Variants in SON observed in about 807,000 individuals in gnomAD.
SON encodes SON DNA and RNA binding protein.
In SON, 4 loss-of-function variants were observed where a neutral mutation model predicts 173.3. The ratio of observed to expected loss-of-function variants is 0.02; its 90% CI spans 0.01 to 0.05. SON has a LOEUF of 0.05. Among genes scored for constraint, SON ranks in the 10% least tolerant of loss-of-function variants. The pLI, the probability that SON is intolerant of heterozygous loss-of-function variation, is 1.00. For synonymous variants in SON, 1,190 were observed against 1,105.9 expected (o/e 1.08, Z -1.51); for missense variants, 2,626 against 3,055.3 (o/e 0.86, Z 3.31).
chr21:33,550,653 G>C lies in SON; in HGVS notation c.1422G>C (p.Val474=), dbSNP rs150736115. ...CACAGGAGGTACCAGAGCCACCTGT[G>C]ATGGCACAGGAGTTGCCAGGGCTGC... ...EPPQEVPEPP[V]MAQELPGLPL... is the part of the protein sequence containing the mutation. Residue 474 remains valine (V), a synonymous_variant, in exon 3 of 12, where the codon GTG becomes GTC. Coordinates refer to ENST00000356577, the MANE Select transcript of SON (RefSeq NM_138927.4). The C allele has an allele frequency of 2.5e-5, 40 of 1,613,650 alleles. 1 individual carries two copies. The highest frequency in any genetic ancestry group is 3.3e-5 in the Non-Finnish European group (39 of 1,179,904).
At chr21:33,575,423 TGCTG>T in intron 9 of SON, 169 bp from the exon 10 acceptor site, 2 of 484,176 alleles carry the variant, frequency 4.1e-6, no homozygotes, top group Non-Finnish European at 7.3e-6. Flanking sequence ...TAAATTTATA[TGCTG>T]AAAAACAGTA....
chr21:33,572,150 ATAAGT>A (rs979578098), intron 8 of SON: 58 of 148,926 alleles, frequency 3.9e-4, no homozygotes, highest in African/African-American at 1.4e-3. Flanking sequence ...CTCTCTGTTG[ATAAGT>A]TAATGACTTT....
At chr21:33,546,443 T>C (rs765558655) in intron 2 of SON, 64 bp downstream of exon 2, 40 of 1,331,438 alleles carry the variant, frequency 3.0e-5, no homozygotes, top group Non-Finnish European at 4.0e-5. Context: ...AATTTGAAGG[T>C]TAATGTTAGT....
At chr21:33,564,663 C>G (rs2086131790) in intron 6 of SON, among the ~76,000 whole-genome samples, 1 of 152,056 alleles carries the variant, frequency 6.6e-6, no homozygotes, top group Non-Finnish European at 1.5e-5. Flanking sequence ...GAGTTCAAGA[C>G]CAGCCTGACC....
At chr21:33,557,082 G>C in intron 3 of SON, 74 bp from the exon 4 acceptor site, 2 of 1,365,254 alleles carry the variant, frequency 1.5e-6, no homozygotes, top group Non-Finnish European at 2.0e-6. Context: ...AGTTTTGTTA[G>C]TATGTTAGAC....
chr21:33,548,904 A>G (rs746924566), intron 2 of SON, among the ~76,000 whole-genome samples: 20 of 152,260 alleles, frequency 1.3e-4, no homozygotes, highest in Non-Finnish European at 2.5e-4. Context: ...AATAGAATTT[A>G]GTGAAACATG....
intron 1 of SON, among the ~76,000 whole-genome samples, chr21:33,545,421 A>C: frequency 6.6e-6 from 1 of 152,214 alleles, no homozygotes; most frequent in East Asian, 1.9e-4. Flanking sequence ...TCATTTAGCT[A>C]AAATTGAAGT....
chr21:33,564,399 C>G (rs964715290), intron 6 of SON, among the ~76,000 whole-genome samples: 2 of 152,156 alleles, frequency 1.3e-5, no homozygotes, highest in African/African-American at 2.4e-5. Context: ...GGGTTTGACC[C>G]TTAAACATTG....
chr21:33,557,013 C>CTTT, intron 3 of SON, 143 bp from the exon 4 acceptor site: 1 of 524,134 alleles, frequency 1.9e-6, no homozygotes. Context: ...TAGTTTTTTC[C>CTTT]TTTTTTTTTT....
rs1372696366 is a variant in SON at position 33,551,036 on chromosome 21, C to T, written c.1805C>T (p.Ala602Val). 6.2e-7 allele frequency: 1 copy of T among 1,611,104 alleles called. No individual in the cohort carries two copies. The highest frequency in any genetic ancestry group is 1.3e-5 in the African/African-American group (1 of 74,792). Residue 602 changes from alanine (A) to valine (V), a missense_variant, in exon 3 of 12, where the codon GCA becomes GTA. Transcript: ENST00000356577. ...GALELPGPLM[A>V]AGALEFSGQS... is the part of the protein sequence containing the mutation. ...CTAGAGTTGCCTGGGCCGCTCATGGCAGCTGGGGCACTGGAGTTCTCGGGG... is the reference window on the plus strand; with the variant it reads ...CTAGAGTTGCCTGGGCCGCTCATGGTAGCTGGGGCACTGGAGTTCTCGGGG...
intron 3 of SON, 85 bp downstream of exon 3, chr21:33,555,476 CTTAG>C (rs2085949307): frequency 2.4e-6 from 3 of 1,245,450 alleles, no homozygotes; most frequent in African/African-American, 3.1e-5. Context: ...AAGTGAAATA[CTTAG>C]TTACTGGTTT....
At chr21:33,568,942 A>C (rs773344680) in intron 7 of SON, 29 bp from the exon 8 acceptor site, 1 of 1,328,220 alleles carries the variant, frequency 7.5e-7, no homozygotes, top group Non-Finnish European at 1.1e-6. Context: ...AATTTTACTT[A>C]GTTAACTGAG....
chr21:33,562,042 C>T (rs2086079741), intron 6 of SON, among the ~76,000 whole-genome samples: 2 of 152,048 alleles, frequency 1.3e-5, no homozygotes, highest in African/African-American at 2.4e-5. Flanking sequence ...AATACAAGGG[C>T]AAAGAGGCAG....
chr21:33,546,187 G>A, intron 1 of SON, 26 bp from the exon 2 acceptor site: 4 of 1,576,014 alleles, frequency 2.5e-6, no homozygotes, highest in Non-Finnish European at 3.4e-6. Context: ...AAATATTAAT[G>A]AATTTCGATA....
At position 33,551,743 on chromosome 21, in the gene SON, A is replaced by T. The variant is rs890156514; in HGVS notation, c.2512A>T (p.Thr838Ser). ...CTCCATGGACTCCCAGATGTTAGCA[A>T]CCAGCACCATGGATTCTCAGATGTT... ...TSSMDSQMLATSTMDSQMLAT... is the reference protein window; with the variant it reads ...TSSMDSQMLASSTMDSQMLAT... Residue 838 changes from threonine (T) to serine (S), a missense_variant, in exon 3 of 12, where the codon ACC (threonine) becomes TCC (serine). This residue lies in a region of SON where 38 missense variants were observed against 92.1 expected (regional missense o/e 0.41). Transcript: ENST00000356577. The T allele has an allele frequency of 6.2e-7, 1 of 1,610,828 alleles. No individual in the cohort carries two copies. The highest frequency in any genetic ancestry group is 8.5e-7 in the Non-Finnish European group (1 of 1,179,554).
intron 6 of SON, among the ~76,000 whole-genome samples, chr21:33,561,453 ATAGG>A (rs370048986): frequency 4.3e-4 from 65 of 152,302 alleles, no homozygotes; most frequent in African/African-American, 5.3e-4. Context: ...GGAAAAAAAA[ATAGG>A]TAGGGAGAGA....
intron 6 of SON, among the ~76,000 whole-genome samples, chr21:33,565,394 C>G (rs1318902212): frequency 6.6e-6 from 1 of 152,128 alleles, no homozygotes; most frequent in African/African-American, 2.4e-5. Flanking sequence ...CTAGGAAAAG[C>G]AAAGTAAGTG....
At chr21:33,563,768 A>G (rs1483293232) in intron 6 of SON, among the ~76,000 whole-genome samples, 1 of 152,234 alleles carries the variant, frequency 6.6e-6, no homozygotes, top group East Asian at 1.9e-4. Flanking sequence ...AATATAGGTC[A>G]TGAAATGCAT....
At chr21:33,557,338 T>G in intron 4 of SON, 22 bp downstream of exon 4, 1 of 1,612,872 alleles carries the variant, frequency 6.2e-7, no homozygotes, top group Non-Finnish European at 8.5e-7. Flanking sequence ...AGAATTTGTT[T>G]TCATTCTTAA....
Sources: allele counts gnomAD v4.1 joint callset (sites outside exome capture counted in the v4.1 genomes callset), GRCh38; gene constraint gnomAD v4.1.1; regional missense constraint gnomAD v4.1.1; transcripts MANE v1.5; gene names NCBI Gene and HGNC (gene_info 2026-07-23, HGNC 2026-07-21).